TRPM3: variants seen among roughly 807,000 people sequenced by gnomAD.
The protein encoded by TRPM3 is long transient receptor potential channel 3.
In TRPM3, 77 loss-of-function variants were observed where a neutral mutation model predicts 181.2. The ratio of observed to expected loss-of-function variants is 0.42; its 90% CI spans 0.35 to 0.51. TRPM3 has a LOEUF of 0.51. TRPM3 is among the 20% of genes least tolerant of loss of function. The pLI, the probability that TRPM3 is intolerant of heterozygous loss-of-function variation, is 0.01. For synonymous variants in TRPM3, 745 were observed against 796.4 expected (o/e 0.94, Z 1.09); for missense variants, 1,759 against 2,196.7 (o/e 0.80, Z 3.98).
chr9:70,775,878 T>C (rs1283910746), intron 7 of TRPM3: 1 of 152,198 alleles, frequency 6.6e-6, no homozygotes, highest in Non-Finnish European at 1.5e-5. Context: ...ATGGTATGTT[T>C]TGATATGTGT....
chr9:71,188,037 G>T (rs908723946), intron 1 of TRPM3, among the ~76,000 whole-genome samples: 4 of 151,710 alleles, frequency 2.6e-5, no homozygotes, highest in Admixed American at 2.0e-4. Flanking sequence ...GAACATTTAG[G>T]TTCTTTCCAT....
intron 1 of TRPM3, among the ~76,000 whole-genome samples, chr9:71,044,852 TA>T (rs2133040339): frequency 6.6e-6 from 1 of 151,826 alleles, no homozygotes; most frequent in African/African-American, 2.4e-5. Context: ...TTTATATTTT[TA>T]GTAGAGACGG....
intron 8 of TRPM3, among the ~76,000 whole-genome samples, chr9:70,696,090 A>T (rs1305735473): frequency 6.6e-6 from 1 of 152,196 alleles, no homozygotes; most frequent in Non-Finnish European, 1.5e-5. Flanking sequence ...CAGCTTGAAG[A>T]AGGGGCAAGG....
chr9:71,189,050 A>G (rs2077853431), intron 1 of TRPM3, among the ~76,000 whole-genome samples: 1 of 151,904 alleles, frequency 6.6e-6, no homozygotes, highest in African/African-American at 2.4e-5. Context: ...GAGACTGGTC[A>G]TCAATATGTG....
chr9:71,085,079 G>C (rs369497752), intron 1 of TRPM3, among the ~76,000 whole-genome samples: 3 of 152,032 alleles, frequency 2.0e-5, no homozygotes, highest in African/African-American at 7.2e-5. Context: ...CCAGCCATAC[G>C]CAGTAGAATG....
intron 1 of TRPM3, among the ~76,000 whole-genome samples, chr9:70,909,191 A>C (rs1258671126): frequency 2.6e-5 from 4 of 152,238 alleles, no homozygotes; most frequent in Non-Finnish European, 5.9e-5. Flanking sequence ...CTTAGTTTCC[A>C]GACAGGACAT....
chr9:70,556,094 C>T (rs1419282882), intron 22 of TRPM3, among the ~76,000 whole-genome samples: 1 of 152,164 alleles, frequency 6.6e-6, no homozygotes, highest in Non-Finnish European at 1.5e-5. Flanking sequence ...ACAGTAGGTG[C>T]TTGCTTGTTT....
chr9:70,637,074 A>C (rs1039236802), intron 11 of TRPM3, among the ~76,000 whole-genome samples: 1 of 152,172 alleles, frequency 6.6e-6, no homozygotes, highest in African/African-American at 2.4e-5. Flanking sequence ...CGTGCCCATC[A>C]GAGCTCTTTT....
intron 1 of TRPM3, among the ~76,000 whole-genome samples, chr9:71,060,138 T>C (rs962844281): frequency 2.0e-5 from 3 of 152,112 alleles, no homozygotes; most frequent in African/African-American, 7.2e-5. Context: ...CTGGGATCAA[T>C]GCAAGCAAGA....
At chr9:71,071,002 C>T (rs2062691654) in intron 1 of TRPM3, among the ~76,000 whole-genome samples, 1 of 152,144 alleles carries the variant, frequency 6.6e-6, no homozygotes, top group South Asian at 2.1e-4. Context: ...AATGGGACCT[C>T]ATCATAGAGG....
At position 71,033,235 on chromosome 9, in the gene TRPM3, T is replaced by C. The variant is rs1223897245; in HGVS notation, c.177+87943A>G. Among the ~76,000 whole-genome samples the C allele has an allele frequency of 2.6e-5, 4 of 152,246 alleles. No homozygotes were observed. In the East Asian group the frequency reaches 5.8e-4, roughly 22 times the overall value. On this transcript the variant is annotated intron_variant, in intron 1 of 25. Transcript: ENST00000677713. The stretch of plus-strand genomic sequence containing the variant: ...CTATCAGAAAGTCAAACAGCCAGAC[T>C]AAAGCGTCCTAAGTAAGATACAAGT...
intron 1 of TRPM3, among the ~76,000 whole-genome samples, chr9:71,434,449 A>G (rs1477422445): frequency 1.3e-5 from 2 of 152,210 alleles, no homozygotes; most frequent in African/African-American, 2.4e-5. Context: ...GCAGCCTTCA[A>G]TATGATAAGA....
upstream of TRPM3, among the ~76,000 whole-genome samples, chr9:71,123,578 T>C (rs1471444272): frequency 1.3e-5 from 2 of 152,220 alleles, no homozygotes; most frequent in Non-Finnish European, 2.9e-5. Flanking sequence ...ACTGACAATT[T>C]TCATTAAGCA....
intron 1 of TRPM3, among the ~76,000 whole-genome samples, chr9:70,958,240 G>A (rs1043161026): frequency 6.6e-6 from 1 of 152,126 alleles, no homozygotes; most frequent in African/African-American, 2.4e-5. Context: ...AGCAAAGTTT[G>A]TATGGTTCTG....
chr9:71,269,951 A>G (rs1276675646), intron 1 of TRPM3, among the ~76,000 whole-genome samples: 1 of 152,242 alleles, frequency 6.6e-6, no homozygotes, highest in Admixed American at 6.5e-5. Flanking sequence ...TTTGCATAAT[A>G]TGACCATCAA....
intron 6 of TRPM3, among the ~76,000 whole-genome samples, chr9:70,821,114 AT>A (rs982221961): frequency 2.0e-5 from 3 of 148,608 alleles, no homozygotes; most frequent in Admixed American, 6.6e-5. Flanking sequence ...CTTAATTTTT[AT>A]TTTTTGAAAG....
intron 1 of TRPM3, among the ~76,000 whole-genome samples, chr9:71,214,271 TCA>T (rs1315153308): frequency 2.6e-5 from 4 of 152,142 alleles, no homozygotes; most frequent in African/African-American, 9.7e-5. Flanking sequence ...GGAATATAAA[TCA>T]CAGTTTAATA....
chr9:70,533,966 G>T lies in TRPM3; in HGVS notation c.*1987C>A, dbSNP rs1461473205. ...ATTTCACAAAATAAAGTAAAACTTG[G>T]TGTTTTCAATTATAATTAAACAAAA... On this transcript the variant is annotated 3_prime_UTR_variant, in exon 26 of 26. Transcript: ENST00000677713. 6.6e-6 allele frequency: 1 copy of T among 152,120 alleles called. No individual in the cohort carries two copies. Among genetic ancestry groups the T allele is most frequent in the Non-Finnish European group, 1.5e-5 (1 of 68,030 alleles). 9.4% of individuals were successfully genotyped at this position (152,120 alleles called of 1,614,324 possible).
chr9:70,648,949 CAA>C (rs925053503), intron 9 of TRPM3, among the ~76,000 whole-genome samples: 1 of 152,124 alleles, frequency 6.6e-6, no homozygotes, highest in African/African-American at 2.4e-5. Context: ...GATTTCATGA[CAA>C]AGACTCCAAA....
Sources: allele counts gnomAD v4.1 joint callset (sites outside exome capture counted in the v4.1 genomes callset), GRCh38; gene constraint gnomAD v4.1.1; transcripts MANE v1.5; gene names NCBI Gene and HGNC (gene_info 2026-07-23, HGNC 2026-07-21).